ORC5: variants seen among roughly 807,000 people sequenced by gnomAD.
The protein encoded by ORC5 is protein phosphatase 1, regulatory subunit 117.
A neutral mutation model predicts 58.8 loss-of-function variants in ORC5; 39 were observed. The observed-to-expected ratio is 0.66, with a 90% CI of 0.51 to 0.87. ORC5 has a LOEUF of 0.87. Among genes scored for constraint, ORC5 ranks in the 40% least tolerant of loss-of-function variants. The pLI, the probability that ORC5 is intolerant of heterozygous loss-of-function variation, is 0.00. For synonymous variants in ORC5, 218 were observed against 177.6 expected (o/e 1.23, Z -1.81); for missense variants, 493 against 506.3 (o/e 0.97, Z 0.25).
intron 12 of ORC5, among the ~76,000 whole-genome samples, chr7:104,147,475 T>C (rs1012079693): frequency 2.0e-5 from 3 of 152,194 alleles, no homozygotes; most frequent in African/African-American, 7.2e-5. Flanking sequence ...TCAAATTTAT[T>C]AAAAATAAAT....
intron 8 of ORC5, among the ~76,000 whole-genome samples, chr7:104,170,475 C>G (rs1201696289): frequency 6.6e-6 from 1 of 152,146 alleles, no homozygotes; most frequent in Non-Finnish European, 1.5e-5. Context: ...TGCTACACTG[C>G]TAGCTTAGAA....
chr7:104,169,214 G>A (rs1186480256), intron 8 of ORC5, among the ~76,000 whole-genome samples: 1 of 152,122 alleles, frequency 6.6e-6, no homozygotes, highest in African/African-American at 2.4e-5. Flanking sequence ...CCTCAAAGTA[G>A]GTATCACACC....
At chr7:104,178,793 A>G (rs1330804981) in intron 8 of ORC5, among the ~76,000 whole-genome samples, 1 of 152,154 alleles carries the variant, frequency 6.6e-6, no homozygotes, top group Non-Finnish European at 1.5e-5. Context: ...TTTTCCTAGC[A>G]CCATTTATTA....
intron 12 of ORC5, among the ~76,000 whole-genome samples, chr7:104,152,852 A>G (rs973052933): frequency 6.6e-6 from 1 of 152,212 alleles, no homozygotes; most frequent in Non-Finnish European, 1.5e-5. Flanking sequence ...AAAAGTAGAA[A>G]GCATAATTTA....
chr7:104,158,073 T>A lies in ORC5; in HGVS notation c.1149+2999A>T, dbSNP rs146137496. Among the ~76,000 whole-genome samples, 391 of 152,276 alleles carry A rather than the reference T, an allele frequency of 2.6e-3. 3 individuals carry two copies. The highest frequency in any genetic ancestry group is 9.1e-3 in the African/African-American group (379 of 41,564). ...AATAAACATGTATCACTTATGTAAA[T>A]GAGAAATATTTAAAAAACAAAAACT... On this transcript the variant is annotated intron_variant, in intron 12 of 13. Transcript: ENST00000297431.
At chr7:104,184,278 AC>A (rs2115977578) in intron 6 of ORC5, 107 bp from the exon 7 acceptor site, 99 of 718,956 alleles carry the variant, frequency 1.4e-4, no homozygotes, top group Non-Finnish European at 2.1e-4. Context: ...ATTTTACTTA[AC>A]ACATTTGCTC....
chr7:104,199,429 G>C (rs1036505553), intron 3 of ORC5, among the ~76,000 whole-genome samples: 1 of 152,166 alleles, frequency 6.6e-6, no homozygotes, highest in Non-Finnish European at 1.5e-5. Flanking sequence ...AGCTGCATGA[G>C]GCTGTGGGAG....
chr7:104,199,176 C>G (rs1799872978), intron 3 of ORC5, among the ~76,000 whole-genome samples: 1 of 120 alleles, frequency 8.3e-3, no homozygotes, highest in Non-Finnish European at 0.016. Context: ...CTACAGAGTC[C>G]CCACTGGGCA....
intron 8 of ORC5, among the ~76,000 whole-genome samples, chr7:104,177,503 A>C (rs1450305726): frequency 6.6e-6 from 1 of 152,212 alleles, no homozygotes; most frequent in Non-Finnish European, 1.5e-5. Context: ...ATTCTAACAT[A>C]TATAATTCTG....
chr7:104,182,586 G>A (rs976909665), intron 8 of ORC5, among the ~76,000 whole-genome samples: 5 of 151,482 alleles, frequency 3.3e-5, no homozygotes, highest in South Asian at 2.1e-4. Context: ...AGGAAATGTC[G>A]GTGTTACCGC....
intron 6 of ORC5, among the ~76,000 whole-genome samples, chr7:104,186,798 A>G (rs1799553226): frequency 6.6e-6 from 1 of 152,172 alleles, no homozygotes; most frequent in African/African-American, 2.4e-5. Flanking sequence ...ATTTTTCTCT[A>G]ATGTTTAAGG....
At chr7:104,201,627 T>TA (rs59970161) in intron 2 of ORC5, among the ~76,000 whole-genome samples, 19,341 of 131,250 alleles carry the variant, frequency 0.15, 1,563 homozygotes, top group South Asian at 0.22. Context: ...CTGTCACTAT[T>TA]AAAAAAAAAA....
intron 8 of ORC5, among the ~76,000 whole-genome samples, chr7:104,182,991 C>A (rs144907717): frequency 6.6e-6 from 1 of 151,982 alleles, no homozygotes. Context: ...AAAAATTAGT[C>A]GGGCATGGTG....
chr7:104,173,537 G>A (rs1481551587), intron 8 of ORC5, among the ~76,000 whole-genome samples: 2 of 152,168 alleles, frequency 1.3e-5, no homozygotes, highest in Non-Finnish European at 2.9e-5. Context: ...TGAACTTTCT[G>A]CTTCCGCAGC....
chr7:104,143,961 A>C (rs1459013858), intron 12 of ORC5, among the ~76,000 whole-genome samples: 8 of 152,074 alleles, frequency 5.3e-5, no homozygotes, highest in African/African-American at 1.9e-4. Flanking sequence ...TCTGCTAAAA[A>C]TACAAAAGTT....
chr7:104,207,954 T>C lies in ORC5; in HGVS notation c.-50A>G, dbSNP rs1282217564. ...CAGTGCAGCCAGCCCACAGGACCCT[T>C]GCACAAGACGGAGCCTCTCCCGAGT... is the stretch of plus-strand genomic sequence containing the variant. On this transcript the variant is annotated 5_prime_UTR_variant, in exon 1 of 14. Transcript: ENST00000297431. The C allele has an allele frequency of 3.2e-6, 5 of 1,552,684 alleles. No individual in the cohort carries two copies. The highest frequency in any genetic ancestry group is 4.4e-6 in the Non-Finnish European group (5 of 1,125,214).
chr7:104,205,715 T>G (rs1800062902), intron 1 of ORC5, among the ~76,000 whole-genome samples: 1 of 152,212 alleles, frequency 6.6e-6, no homozygotes, highest in South Asian at 2.1e-4. Context: ...ATAAATTAAC[T>G]GGCCCAAAAA....
chr7:104,181,449 C>A (rs1183407276), intron 8 of ORC5, among the ~76,000 whole-genome samples: 4 of 152,018 alleles, frequency 2.6e-5, no homozygotes, highest in Admixed American at 1.3e-4. Context: ...ATTGGAAACA[C>A]TGGTTATATT....
chr7:104,153,509 AC>A (rs936116711), intron 12 of ORC5, among the ~76,000 whole-genome samples: 20 of 152,192 alleles, frequency 1.3e-4, no homozygotes, highest in Non-Finnish European at 2.6e-4. Flanking sequence ...TAAGAAAAAA[AC>A]ATAGTAAGAT....
Sources: gnomAD v4.1 joint callset for allele counts (sites outside exome capture counted in the v4.1 genomes callset) on GRCh38, gnomAD v4.1.1 for gene constraint, MANE v1.5 for transcripts, NCBI Gene and HGNC (gene_info 2026-07-23, HGNC 2026-07-21) for gene names.